AFG2A: variants seen among roughly 807,000 people sequenced by gnomAD.
AFG2A encodes the protein AAA ATPase AFG2A.
chr4:123,240,190 C>T, the AFG2A span, among the ~76,000 whole-genome samples: 1 of 152,066 alleles, frequency 6.6e-6, no homozygotes, highest in Non-Finnish European at 1.5e-5. Flanking sequence ...ATCTGGGAGA[C>T]TTTAACACAC....
At chr4:123,158,144 A>T in the AFG2A span, among the ~76,000 whole-genome samples, 6 of 152,200 alleles carry the variant, frequency 3.9e-5, no homozygotes, top group African/African-American at 1.4e-4. Flanking sequence ...CAAAAAATAG[A>T]TTGAAATCAC....
the AFG2A span, among the ~76,000 whole-genome samples, chr4:123,282,060 T>C: frequency 4.6e-5 from 7 of 152,156 alleles, no homozygotes; most frequent in African/African-American, 1.7e-4. Context: ...TCATCACTTA[T>C]AACAAATGTA....
At chr4:123,276,486 T>A in the AFG2A span, among the ~76,000 whole-genome samples, 1 of 152,230 alleles carries the variant, frequency 6.6e-6, no homozygotes, top group Non-Finnish European at 1.5e-5. Context: ...TTTAGTTTAA[T>A]TAAGTCCCAT....
chr4:123,220,576 T>C, the AFG2A span, among the ~76,000 whole-genome samples: 5 of 128,226 alleles, frequency 3.9e-5, no homozygotes, highest in African/African-American at 9.5e-5. Context: ...ATGGCAGCAC[T>C]GCACTCCAGC....
At chr4:122,957,100 G>T in the AFG2A span, among the ~76,000 whole-genome samples, 2 of 151,976 alleles carry the variant, frequency 1.3e-5, no homozygotes, top group Admixed American at 6.6e-5. Context: ...GGACGTAAGG[G>T]AGAACAAGAA....
At chr4:123,196,443 C>T in the AFG2A span, among the ~76,000 whole-genome samples, 2 of 152,114 alleles carry the variant, frequency 1.3e-5, no homozygotes, top group African/African-American at 4.8e-5. Flanking sequence ...AAAATAAATT[C>T]AGAGTACCTC....
the AFG2A span, among the ~76,000 whole-genome samples, chr4:123,041,086 T>C: frequency 6.6e-6 from 1 of 151,384 alleles, no homozygotes; most frequent in Non-Finnish European, 1.5e-5. Context: ...TAATTATTAC[T>C]CTTCTTTTTT....
the AFG2A span, among the ~76,000 whole-genome samples, chr4:123,269,103 A>C: frequency 6.6e-6 from 1 of 152,208 alleles, no homozygotes; most frequent in East Asian, 1.9e-4. Context: ...TGAAAGCTTT[A>C]TTTTAGAATT....
At chr4:123,189,449 CT>C in the AFG2A span, among the ~76,000 whole-genome samples, 14 of 152,144 alleles carry the variant, frequency 9.2e-5, no homozygotes, top group African/African-American at 3.4e-4. Flanking sequence ...TGCCTTTTTT[CT>C]TTTCTTTTTT....
chr4:122,981,629 T>C, the AFG2A span, among the ~76,000 whole-genome samples: 1 of 152,198 alleles, frequency 6.6e-6, no homozygotes, highest in African/African-American at 2.4e-5. Context: ...AATATTTTAA[T>C]AGTGTTAATT....
chr4:123,216,664 C>CTT, the AFG2A span, among the ~76,000 whole-genome samples: 3,861 of 142,932 alleles, frequency 0.027, 82 homozygotes, highest in Non-Finnish European at 0.04. Flanking sequence ...ATTATTTTTA[C>CTT]TTTTTTTTTT....
the AFG2A span, among the ~76,000 whole-genome samples, chr4:123,155,127 C>T: frequency 6.6e-6 from 1 of 152,136 alleles, no homozygotes; most frequent in Admixed American, 6.5e-5. Flanking sequence ...CACTCTCGCC[C>T]AGGCTGGAGT....
chr4:123,056,720 C>T, the AFG2A span, among the ~76,000 whole-genome samples: 1 of 152,124 alleles, frequency 6.6e-6, no homozygotes, highest in Admixed American at 6.5e-5. Context: ...ATAGTTAATG[C>T]TGTTACTAAT....
the AFG2A span, among the ~76,000 whole-genome samples, chr4:123,145,563 C>G: frequency 1.6e-4 from 24 of 152,084 alleles, no homozygotes; most frequent in Non-Finnish European, 2.9e-4. Context: ...TTTAAAACTT[C>G]CACAAAGTTA....
At chr4:123,219,181 C>T in the AFG2A span, among the ~76,000 whole-genome samples, 3 of 152,238 alleles carry the variant, frequency 2.0e-5, no homozygotes, top group African/African-American at 4.8e-5. Context: ...TCCAGGAGGC[C>T]GCTGGTACAA....
At chr4:122,982,277 T>G in the AFG2A span, among the ~76,000 whole-genome samples, 1 of 152,208 alleles carries the variant, frequency 6.6e-6, no homozygotes, top group Non-Finnish European at 1.5e-5. Context: ...TTCTTCGTCC[T>G]TTTAAGGTGG....
the AFG2A span, among the ~76,000 whole-genome samples, chr4:123,023,057 G>T: frequency 7.6e-6 from 1 of 131,000 alleles, no homozygotes; most frequent in Admixed American, 7.9e-5. Flanking sequence ...AGGGGGGAGG[G>T]ATAGCATTAG....
chr4:122,946,226 C>T, the AFG2A span, among the ~76,000 whole-genome samples: 3 of 152,158 alleles, frequency 2.0e-5, no homozygotes, highest in African/African-American at 7.2e-5. Flanking sequence ...AGAGAGCTGT[C>T]TTATAATTAC....
At chr4:122,985,207 C>A in the AFG2A span, among the ~76,000 whole-genome samples, 38 of 151,102 alleles carry the variant, frequency 2.5e-4, no homozygotes, top group African/African-American at 8.8e-4. Flanking sequence ...CTCATCGCAA[C>A]CTCTGCCTCT....
Sources: gnomAD v4.1 joint callset for allele counts (sites outside exome capture counted in the v4.1 genomes callset) on GRCh38, gnomAD v4.1.1 for gene constraint, MANE v1.5 for transcripts, NCBI Gene and HGNC (gene_info 2026-07-23, HGNC 2026-07-21) for gene names.